Variants in PIP4K2A observed in about 807,000 individuals in gnomAD.
PIP4K2A encodes phosphatidylinositol 5-phosphate 4-kinase type-2 alpha.
A neutral mutation model predicts 42.9 loss-of-function variants in PIP4K2A; 14 were observed. The ratio of observed to expected loss-of-function variants is 0.33; its 90% confidence interval spans 0.22 to 0.51. The LOEUF is 0.51. PIP4K2A is among the 20% of genes least tolerant of loss of function. PIP4K2A has a pLI of 0.97. For synonymous variants in PIP4K2A, 192 were observed against 192.2 expected, an observed-to-expected ratio of 1.00 and a Z score of 0.01; for missense variants, 434 against 519.8, an observed-to-expected ratio of 0.83 and a Z score of 1.61.
At chr10:22,625,512 G>A (rs938528527) in intron 1 of PIP4K2A, among the ~76,000 whole-genome samples, 2 of 152,126 alleles carry the variant, frequency 1.3e-5, no homozygotes, top group African/African-American at 4.8e-5. Flanking sequence ...AAAATCTGGA[G>A]TCTATTGTTC....
chr10:22,707,656 GT>G (rs1291753363), intron 1 of PIP4K2A, among the ~76,000 whole-genome samples: 2 of 152,166 alleles, frequency 1.3e-5, no homozygotes, highest in African/African-American at 2.4e-5. Flanking sequence ...GTGGTTAACG[GT>G]ACCGTTGTGA....
At chr10:22,686,570 G>A (rs1839768505) in intron 1 of PIP4K2A, among the ~76,000 whole-genome samples, 1 of 152,096 alleles carries the variant, frequency 6.6e-6, no homozygotes, top group Non-Finnish European at 1.5e-5. Context: ...TTGAACTCCT[G>A]GGCTTAAGTT....
At chr10:22,678,750 C>A (rs1445028902) in intron 1 of PIP4K2A, among the ~76,000 whole-genome samples, 1 of 152,036 alleles carries the variant, frequency 6.6e-6, no homozygotes, top group Admixed American at 6.6e-5. Flanking sequence ...AATAAAGACA[C>A]CAGAACAAAA....
At position 22,542,045 on chromosome 10, in the gene PIP4K2A, A is replaced by G; in HGVS notation, c.795T>C (p.Phe265=). The G allele has an allele frequency of 6.2e-7, 1 of 1,606,278 alleles. No individual in the cohort carries two copies. ...AGTCCATGAGCTTCAGCTGGGCCAG[A>G]AACTGGGGACAGAGGCAACAGGGTG... ...FLEKLKKDVE[F]LAQLKLMDYS... is the part of the protein sequence containing the mutation. Residue 265 remains phenylalanine (F), a splice_region_variant and synonymous_variant, in exon 8 of 10, where the codon TTT becomes TTC. Transcript: ENST00000376573.
intron 5 of PIP4K2A, among the ~76,000 whole-genome samples, chr10:22,569,495 A>C (rs1836929934): frequency 6.6e-6 from 1 of 152,252 alleles, no homozygotes; most frequent in Non-Finnish European, 1.5e-5. Flanking sequence ...AATATGGACC[A>C]GAAGTACCTT....
intron 1 of PIP4K2A, among the ~76,000 whole-genome samples, chr10:22,613,706 CCA>C (rs1457160181): frequency 1.3e-5 from 2 of 152,156 alleles, no homozygotes; most frequent in African/African-American, 4.8e-5. Context: ...TGAGCGTCAT[CCA>C]CAGTTTGTGA....
At chr10:22,627,121 T>A (rs1353057440) in intron 1 of PIP4K2A, among the ~76,000 whole-genome samples, 2 of 152,236 alleles carry the variant, frequency 1.3e-5, no homozygotes, top group African/African-American at 4.8e-5. Flanking sequence ...ACCAGAGAAT[T>A]AGACGTCAGA....
chr10:22,562,241 A>G (rs972761681), intron 6 of PIP4K2A, among the ~76,000 whole-genome samples: 2 of 152,182 alleles, frequency 1.3e-5, no homozygotes, highest in Non-Finnish European at 2.9e-5. Context: ...AAAAACAAAC[A>G]AACAATGTTT....
Position 22,664,077 on chromosome 10 carries a change from G to GTATATATATATATACGTA in PIP4K2A, c.144+50105_144+50106insTACGTATATATATATATA, listed in dbSNP as rs1258845687. On this transcript the variant is annotated intron_variant, in intron 1 of 9. Transcript: ENST00000376573. ...TGTATATATACATATATATATATAC[G>GTATATATATATATACGTA]TATATATATATACATATATATATAT... 6.4e-4 allele frequency among the ~76,000 whole-genome samples: 24 copies of GTATATATATATATACGTA among 37,738 alleles called. 3 individuals carry two copies. Among genetic ancestry groups the GTATATATATATATACGTA allele is most frequent in the African/African-American group, 4.6e-3 (23 of 4,982 alleles). 24.8% of individuals were successfully genotyped at this position (37,738 alleles called of 152,430 possible).
At chr10:22,591,900 G>T in intron 3 of PIP4K2A, 119 bp from the exon 4 acceptor site, 1 of 830,510 alleles carries the variant, frequency 1.2e-6, no homozygotes, top group Non-Finnish European at 1.8e-6. Context: ...TTTGTGTGTG[G>T]GATAAATTGA....
At chr10:22,693,375 A>T (rs1258277384) in intron 1 of PIP4K2A, among the ~76,000 whole-genome samples, 2 of 152,030 alleles carry the variant, frequency 1.3e-5, no homozygotes, top group Non-Finnish European at 2.9e-5. Context: ...ACATACAAGG[A>T]TTTCACCATC....
In PIP4K2A at chr10:22,535,344, T is replaced by C. The variant is rs910028689; in HGVS notation, c.*1857A>G. 1 of 152,174 alleles carries C rather than the reference T, an allele frequency of 6.6e-6. No homozygotes were observed. The highest frequency in any genetic ancestry group is 1.5e-5 in the Non-Finnish European group (1 of 68,038). 9.4% of individuals were successfully genotyped at this position (152,174 alleles called of 1,614,324 possible). On this transcript the variant is annotated 3_prime_UTR_variant, in exon 10 of 10. Transcript: ENST00000376573. ...TGGATTACTTTAAATACATAAAAGA[T>C]GAATCTGTACACTACGTGACAGTGG... is the stretch of plus-strand genomic sequence containing the variant.
rs544247426 is a variant in PIP4K2A at position 22,579,903 on chromosome 10, C to T, written c.493-6446G>A. ...CAGCCTAGGTGATAGAACGAGACTT[C>T]GTCTGAGAAGAAAAAAAAGAAAAAA... On this transcript the variant is annotated intron_variant, in intron 4 of 9. Coordinates refer to ENST00000376573, the MANE Select transcript of PIP4K2A (RefSeq NM_005028.5). 5.7e-4 allele frequency among the ~76,000 whole-genome samples: 85 copies of T among 149,920 alleles called. 2 individuals carry two copies. Among genetic ancestry groups the T allele is most frequent in the African/African-American group, 2.1e-3 (83 of 40,170 alleles).
At chr10:22,637,548 T>G (rs1026743999) in intron 1 of PIP4K2A, among the ~76,000 whole-genome samples, 2 of 152,204 alleles carry the variant, frequency 1.3e-5, no homozygotes, top group African/African-American at 4.8e-5. Flanking sequence ...TTTGCCATCC[T>G]CAAGAAAGCC....
intron 7 of PIP4K2A, among the ~76,000 whole-genome samples, chr10:22,548,530 TC>T (rs1438539403): frequency 6.6e-6 from 1 of 152,192 alleles, no homozygotes; most frequent in East Asian, 1.9e-4. Context: ...CTTCTCAGTA[TC>T]AAGGATTTGC....
chr10:22,601,130 CA>C (rs1188396077), intron 3 of PIP4K2A, among the ~76,000 whole-genome samples: 31 of 31,924 alleles, frequency 9.7e-4, no homozygotes, highest in South Asian at 4.9e-3. Flanking sequence ...GAGACTGTCT[CA>C]AAAAAAAAAA....
chr10:22,601,987 G>A (rs1028977285), intron 3 of PIP4K2A, among the ~76,000 whole-genome samples: 39 of 152,252 alleles, frequency 2.6e-4, no homozygotes, highest in Admixed American at 3.9e-4. Context: ...AAGCTGCTCC[G>A]TGCTTTACAT....
intron 1 of PIP4K2A, among the ~76,000 whole-genome samples, chr10:22,614,483 A>G (rs1838129835): frequency 6.6e-6 from 1 of 152,064 alleles, no homozygotes; most frequent in African/African-American, 2.4e-5. Flanking sequence ...TTTGCATCAC[A>G]TTGCTTTTGG....
chr10:22,603,472 C>T (rs1302204394), intron 3 of PIP4K2A, among the ~76,000 whole-genome samples: 13 of 151,564 alleles, frequency 8.6e-5, no homozygotes, highest in South Asian at 4.2e-4. Context: ...ACATAAGAGA[C>T]GATCAAATGA....
Sources: gnomAD v4.1 joint callset for allele counts (sites outside exome capture counted in the v4.1 genomes callset) on GRCh38, gnomAD v4.1.1 for gene constraint, MANE v1.5 for transcripts, NCBI Gene and HGNC (gene_info 2026-07-23, HGNC 2026-07-21) for gene names.